The following TBC1D12 variants were observed in gnomAD, a reference collection of about 807,000 sequenced individuals.
TBC1D12 encodes TBC1 domain family member 12, also known as TBC1 domain family, member 12.
In TBC1D12, 56 loss-of-function variants were observed where a neutral mutation model predicts 86.7. The ratio of observed to expected loss-of-function variants is 0.65; its 90% CI spans 0.52 to 0.81. The LOEUF (loss-of-function observed/expected upper bound fraction) is 0.81, where lower values mean the gene tolerates loss of function less well. TBC1D12 is among the 30% of genes least tolerant of loss of function. TBC1D12 has a pLI of 0.00. For missense variants in TBC1D12, 1,023 were observed against 1,038.8 expected (o/e 0.98, Z 0.21); for synonymous variants, 421 against 411.7 (o/e 1.02, Z -0.27).
intron 1 of TBC1D12, among the ~76,000 whole-genome samples, chr10:94,431,421 A>G (rs1412002019): frequency 1.3e-5 from 2 of 148,518 alleles, no homozygotes; most frequent in African/African-American, 2.5e-5. Context: ...AAAAAAAAAA[A>G]AAAAGAAAAG....
chr10:94,475,266 G>A (rs540798179), intron 3 of TBC1D12, among the ~76,000 whole-genome samples: 1 of 152,212 alleles, frequency 6.6e-6, no homozygotes, highest in South Asian at 2.1e-4. Context: ...AGATGTGCTT[G>A]TCTTTGCCTT....
Position 94,510,103 on chromosome 10 carries a change from C to G in TBC1D12, c.1613C>G (p.Ala538Gly), listed in dbSNP as rs2056508323. The G allele has an allele frequency of 6.2e-7, 1 of 1,608,360 alleles. No homozygotes were observed. Among genetic ancestry groups the G allele is most frequent in the Non-Finnish European group, 8.5e-7 (1 of 1,178,412 alleles). The change falls in exon 8 of 13, where the codon GCT (alanine) becomes GGT (glycine). Residue 538 changes from alanine to glycine, a missense_variant. Ala to Gly is a moderately conservative substitution (Grantham distance 60, BLOSUM62 0). Coordinates refer to ENST00000225235, the MANE Select transcript of TBC1D12 (RefSeq NM_015188.2). ...SENDTEGVSV[A>G]DREASLELIK... ...TTGGTAAATGCAGGTGTATCTGTTG[C>G]TGATCGAGAGGCCAGTCTGGAATTA...
rs1355950287 is a variant in TBC1D12, at chr10:94,407,719, A to G, written c.971+4135A>G. Among the ~76,000 whole-genome samples, 3 of 151,796 alleles carry G rather than the reference A, an allele frequency of 2.0e-5. No individual in the cohort carries two copies. The East Asian group carries it at 5.8e-4, about 29-fold the overall frequency. On this transcript the variant is annotated intron_variant, in intron 1 of 12. Transcript: ENST00000225235. The stretch of plus-strand genomic sequence containing the variant: ...AAATGCTAGATGGGTACCACTCAGC[A>G]GTAAGGAGGAGTGAAAGCTTTTTTG...
intron 2 of TBC1D12, among the ~76,000 whole-genome samples, chr10:94,465,322 C>T (rs1048511224): frequency 6.6e-6 from 1 of 152,100 alleles, no homozygotes; most frequent in Non-Finnish European, 1.5e-5. Context: ...ACTGATCTCA[C>T]AAAAATCTAA....
At chr10:94,523,875 G>T (rs2134227590) in intron 11 of TBC1D12, among the ~76,000 whole-genome samples, 1 of 152,186 alleles carries the variant, frequency 6.6e-6, no homozygotes, top group South Asian at 2.1e-4. Flanking sequence ...AGGCTGAGGT[G>T]GGAGGATTGC....
intron 1 of TBC1D12, 72 bp downstream of exon 1, chr10:94,403,656 C>CGGAGCG: frequency 7.8e-7 from 1 of 1,274,282 alleles, no homozygotes; most frequent in South Asian, 1.8e-5. Flanking sequence ...TGGTGGGAGT[C>CGGAGCG]GGAGCCGGAG....
chr10:94,513,061 A>G (rs924196517), intron 9 of TBC1D12, among the ~76,000 whole-genome samples: 4 of 151,804 alleles, frequency 2.6e-5, no homozygotes, highest in African/African-American at 9.7e-5. Flanking sequence ...AGCCTGACCA[A>G]CATGGTGAAA....
chr10:94,465,928 G>A (rs563833218), intron 2 of TBC1D12, among the ~76,000 whole-genome samples: 41 of 149,322 alleles, frequency 2.7e-4, no homozygotes, highest in African/African-American at 8.6e-4. Flanking sequence ...GTATATATGC[G>A]TATATATGTA....
intron 1 of TBC1D12, among the ~76,000 whole-genome samples, chr10:94,416,920 A>G (rs569011597): frequency 5.7e-4 from 87 of 152,328 alleles, no homozygotes; most frequent in African/African-American, 1.9e-3. Flanking sequence ...GGGACTGCAG[A>G]TTCTCATCTG....
intron 1 of TBC1D12, among the ~76,000 whole-genome samples, chr10:94,417,975 T>G (rs555437782): frequency 6.6e-6 from 1 of 152,012 alleles, no homozygotes. Context: ...AGGATGGTCT[T>G]GATCTCCTGA....
intron 1 of TBC1D12, among the ~76,000 whole-genome samples, chr10:94,419,485 C>A (rs2055046416): frequency 6.6e-6 from 1 of 151,976 alleles, no homozygotes. Context: ...CCAGCCTGGC[C>A]AACATGGTGA....
intron 4 of TBC1D12, among the ~76,000 whole-genome samples, chr10:94,496,178 G>A (rs1304020975): frequency 6.6e-6 from 1 of 151,802 alleles, no homozygotes; most frequent in East Asian, 1.9e-4. Flanking sequence ...AGGCATATCT[G>A]AAAAAACAAT....
Position 94,474,687 on chromosome 10 carries a change from G to A in TBC1D12, c.1115G>A (p.Gly372Glu), listed in dbSNP as rs773105636. The change falls in exon 3 of 13, where the codon GGG becomes GAG. Residue 372 changes from glycine (G) to glutamate (E), a missense_variant. Physicochemically the swap from Gly to Glu is moderately conservative, Grantham distance 98 (BLOSUM62 -2). This residue lies in a region of TBC1D12 where 395 missense variants were observed against 507.7 expected (regional missense o/e 0.78). Coordinates refer to ENST00000225235, the MANE Select transcript of TBC1D12 (RefSeq NM_015188.2). ...IIQQEYEARTGRTCKPPPQSS... is the reference protein window; with the variant it reads ...IIQQEYEARTERTCKPPPQSS... ...CTCTAGGAATATGAAGCACGAACGG[G>A]GAGGACCTGTAAACCACCACCTCAG... 6.2e-7 allele frequency: 1 copy of A among 1,613,964 alleles called. No individual in the cohort carries two copies. The highest frequency in any genetic ancestry group is 8.5e-7 in the Non-Finnish European group (1 of 1,179,950).
At chr10:94,416,539 T>C (rs2055000223) in intron 1 of TBC1D12, among the ~76,000 whole-genome samples, 1 of 152,250 alleles carries the variant, frequency 6.6e-6, no homozygotes, top group African/African-American at 2.4e-5. Context: ...TTAGTTCTTA[T>C]TAATTAGTTT....
rs943509681 is a variant in TBC1D12, at chr10:94,533,215, G to T, written c.*119G>T. The T allele has an allele frequency of 1.3e-5, 7 of 548,262 alleles. No individual in the cohort carries two copies. The highest frequency in any genetic ancestry group is 2.0e-5 in the African/African-American group (1 of 50,934). 34.0% of individuals were successfully genotyped at this position (548,262 alleles called of 1,614,324 possible). On this transcript the variant is annotated 3_prime_UTR_variant, in exon 13 of 13. Coordinates refer to ENST00000225235, the MANE Select transcript of TBC1D12 (RefSeq NM_015188.2). ...GAGATACCTAAAAGAATCAAGAGGTGGAAAACTGCTGATTTTACATTTTAT... is the reference window on the plus strand; with the variant it reads ...GAGATACCTAAAAGAATCAAGAGGTTGAAAACTGCTGATTTTACATTTTAT...
chr10:94,483,722 TTTTG>T (rs1308298724), intron 3 of TBC1D12, among the ~76,000 whole-genome samples: 3 of 151,326 alleles, frequency 2.0e-5, no homozygotes, highest in Non-Finnish European at 2.9e-5. Context: ...TGTTTATTGG[TTTTG>T]TTTTTGTTTT....
chr10:94,447,778 G>A (rs939175944), intron 2 of TBC1D12: 2 of 590,814 alleles, frequency 3.4e-6, no homozygotes, highest in African/African-American at 2.0e-5. Flanking sequence ...AGTAGGTAAA[G>A]TTGGAATAGC....
chr10:94,413,149 A>G (rs2054948962), intron 1 of TBC1D12, among the ~76,000 whole-genome samples: 1 of 152,222 alleles, frequency 6.6e-6, no homozygotes, highest in African/African-American at 2.4e-5. Flanking sequence ...GGTACTATGT[A>G]ATTGATGAGT....
intron 1 of TBC1D12, among the ~76,000 whole-genome samples, chr10:94,430,055 C>A (rs374271860): frequency 2.6e-5 from 4 of 151,950 alleles, no homozygotes; most frequent in Non-Finnish European, 5.9e-5. Context: ...TCTATCCCCC[C>A]ACCCCAATTT....
Sources: gnomAD v4.1 joint callset for allele counts (sites outside exome capture counted in the v4.1 genomes callset) on GRCh38, gnomAD v4.1.1 for gene constraint, gnomAD v4.1.1 regional missense constraint, MANE v1.5 for transcripts, NCBI Gene and HGNC (gene_info 2026-07-23, HGNC 2026-07-21) for gene names.